Variants in KCNC4 observed in about 807,000 individuals in gnomAD.
KCNC4 encodes voltage-gated potassium channel KCNC4.
In KCNC4, 23 loss-of-function variants were observed where a neutral mutation model predicts 42.8. The ratio of observed to expected loss-of-function variants is 0.54; its 90% CI spans 0.39 to 0.76. The LOEUF (loss-of-function observed/expected upper bound fraction) is 0.76, where lower values mean the gene tolerates loss of function less well. KCNC4 is among the 30% of genes least tolerant of loss of function. The pLI is 0.00. For synonymous variants in KCNC4, 422 were observed against 393.5 expected, an observed-to-expected ratio of 1.07 and a Z score of -0.86; for missense variants, 751 against 898.2, an observed-to-expected ratio of 0.84 and a Z score of 2.10.
chr1:110,211,485 C>T lies in KCNC4; in HGVS notation c.-15C>T, dbSNP rs772190080. ...GGCAGCGGCCGCCCCAAGCCGGAGC[C>T]CCGCAGCGCTTCTTATGATCAGCTC... On this transcript the variant is annotated 5_prime_UTR_variant, in exon 1 of 4. Transcript: ENST00000438661. This position sits in a 1 kb window ranked among gnomAD's most constrained non-coding sequence, Gnocchi z 6.5. 2 of 1,602,230 alleles carry T rather than the reference C, an allele frequency of 1.2e-6. No individual in the cohort carries two copies. Among genetic ancestry groups the T allele is most frequent in the African/African-American group, 2.7e-5 (2 of 74,614 alleles).
Position 110,212,165 on chromosome 1 carries a change from C to T in KCNC4, c.666C>T (p.Ser222=), listed in dbSNP as rs773822034. ...CGCTCTTCGAGGATCCCTACTCCTC[C>T]CGGGCCGCTAGGGTGAGTGGCAGGA... is the stretch of plus-strand genomic sequence containing the variant. The part of the protein sequence containing the change: ...MWALFEDPYS[S]RAARVVAFAS... Residue 222 remains serine, a synonymous_variant, in exon 1 of 4, where the codon TCC becomes TCT. Coordinates refer to ENST00000438661, the MANE Select transcript of KCNC4 (RefSeq NM_001039574.3). The T allele has an allele frequency of 8.7e-5, 131 of 1,506,578 alleles. No homozygotes were observed. The highest frequency in any genetic ancestry group is 1.0e-4 in the Non-Finnish European group (117 of 1,144,144). 93.3% of individuals were successfully genotyped at this position (1,506,578 alleles called of 1,614,324 possible).
chr1:110,235,980 G>T (rs80060324), downstream of KCNC4: 1 of 152,094 alleles, frequency 6.6e-6, no homozygotes, highest in African/African-American at 2.4e-5. Flanking sequence ...GAAATGAGTC[G>T]GCGCCTGTAA....
rs556933737 is a variant in KCNC4, at chr1:110,231,741, T to G, written c.1820-1170T>G. On this transcript the variant is annotated intron_variant, in intron 3 of 3. Transcript: ENST00000438661. Reference sequence around the variant, plus strand: ...AATGGGGCTCTGAAGAACCCTGAATTCCTCTGATTTCAAGGATAGTACTCA... The same window carrying G: ...AATGGGGCTCTGAAGAACCCTGAATGCCTCTGATTTCAAGGATAGTACTCA... Among the ~76,000 whole-genome samples the G allele has an allele frequency of 2.6e-5, 4 of 152,236 alleles. No individual in the cohort carries two copies. In the South Asian group the frequency reaches 8.3e-4, roughly 32 times the overall value.
intron 1 of KCNC4, among the ~76,000 whole-genome samples, chr1:110,215,122 A>G (rs954641096): frequency 1.8e-4 from 28 of 152,270 alleles, no homozygotes; most frequent in African/African-American, 6.0e-4. Flanking sequence ...TGGTCATTTG[A>G]GTAGTGCGTT....
chr1:110,278,208 AAG>A (rs1377747030), intron 1 of KCNC4, among the ~76,000 whole-genome samples: 5 of 152,252 alleles, frequency 3.3e-5, no homozygotes, highest in Non-Finnish European at 4.4e-5. Context: ...GGAAAAAAAA[AAG>A]AGAATTCTCC....
chr1:110,215,559 G>A (rs1314470019), intron 1 of KCNC4, among the ~76,000 whole-genome samples: 1 of 152,224 alleles, frequency 6.6e-6, no homozygotes, highest in Non-Finnish European at 1.5e-5. Context: ...AAGGATTACA[G>A]TTCCTCTCCT....
At chr1:110,281,553 AAAACACACACAC>A (rs1205001289) in intron 1 of KCNC4, among the ~76,000 whole-genome samples, 1 of 117,710 alleles carries the variant, frequency 8.5e-6, no homozygotes, top group Non-Finnish European at 1.9e-5. Context: ...CACATATGTA[AAAACACACACAC>A]ACACACACAC....
In KCNC4 at chr1:110,222,970, G is replaced by C; in HGVS notation, c.685G>C (p.Ala229Pro). The change falls in exon 2 of 4, where the codon GCC becomes CCC. Residue 229 changes from alanine to proline, a missense_variant. Coordinates refer to ENST00000438661, the MANE Select transcript of KCNC4 (RefSeq NM_001039574.3). ...PYSSRAARVV[A>P]FASLFFILVS... is the part of the protein sequence containing the mutation. The stretch of plus-strand genomic sequence containing the variant: ...TCTCCTCCCCTGCCCATAGGTAGTG[G>C]CCTTTGCCTCTCTCTTCTTCATCCT... The C allele has an allele frequency of 1.2e-6, 2 of 1,612,754 alleles. No homozygotes were observed. Among genetic ancestry groups the C allele is most frequent in the Non-Finnish European group, 1.7e-6 (2 of 1,178,828 alleles).
chr1:110,233,059 C>T lies in KCNC4; in HGVS notation c.*87C>T, dbSNP rs888590787. ...TGGAACCCAGACAAGAATCTTTTCG[C>T]TGGGAAAGACTCAGATATCCTTGTT... On this transcript the variant is annotated 3_prime_UTR_variant, in exon 4 of 4. Transcript: ENST00000438661. 3 of 1,473,518 alleles carry T rather than the reference C, an allele frequency of 2.0e-6. No individual in the cohort carries two copies. In the African/African-American group the frequency reaches 4.2e-5, roughly 21 times the overall value. 91.3% of individuals were successfully genotyped at this position (1,473,518 alleles called of 1,614,324 possible). A position where few individuals can be genotyped will look rare whatever the true frequency, so the allele number is the denominator to read the frequency against.
exon 4 of KCNC4, chr1:110,243,909 C>T (rs978327566): frequency 6.6e-6 from 1 of 152,226 alleles, no homozygotes; most frequent in Non-Finnish European, 1.5e-5. Context: ...ACTCTGGAGG[C>T]AGGTCAGAAC....
At chr1:110,255,606 A>T (rs1206995123) in intron 1 of KCNC4, among the ~76,000 whole-genome samples, 1 of 152,130 alleles carries the variant, frequency 6.6e-6, no homozygotes, top group Non-Finnish European at 1.5e-5. Flanking sequence ...GCCTCCCCAT[A>T]CCAGGCAGTT....
chr1:110,222,572 A>G, intron 1 of KCNC4: 1 of 207,824 alleles, frequency 4.8e-6, no homozygotes, highest in South Asian at 1.0e-4. Context: ...TTACAAATGC[A>G]GAATCACAGG....
Position 110,210,866 on chromosome 1 carries a change from C to T in KCNC4, c.-634C>T, listed in dbSNP as rs913959318. ...TCTGCTCTGCCCCGCCTGCCTTCCT[C>T]GCCCGGCGCTGGATTTATGAATGGG... On this transcript the variant is annotated 5_prime_UTR_variant, in exon 1 of 4. Coordinates refer to ENST00000438661, the MANE Select transcript of KCNC4 (RefSeq NM_001039574.3). 6.6e-6 allele frequency among the ~76,000 whole-genome samples: 1 copy of T among 152,218 alleles called. No homozygotes were observed. Among genetic ancestry groups the T allele is most frequent in the South Asian group, 2.1e-4 (1 of 4,826 alleles).
At chr1:110,232,585 G>T in intron 3 of KCNC4, 3 of 1,436,138 alleles carry the variant, frequency 2.1e-6, no homozygotes, top group Non-Finnish European at 2.7e-6. Context: ...GGAGCTAGTG[G>T]TTACCTGAAC....
downstream of KCNC4, chr1:110,238,537 G>T (rs1369864470): frequency 6.6e-6 from 1 of 152,126 alleles, no homozygotes; most frequent in Non-Finnish European, 1.5e-5. Flanking sequence ...AACATATGTG[G>T]CATCTCTGTC....
chr1:110,280,342 A>C (rs575121053), intron 1 of KCNC4, among the ~76,000 whole-genome samples: 1 of 152,222 alleles, frequency 6.6e-6, no homozygotes, highest in Non-Finnish European at 1.5e-5. Context: ...TGGTGGCCAC[A>C]GGGTGGGAGG....
chr1:110,274,522 CAT>C (rs1288837663), intron 1 of KCNC4, among the ~76,000 whole-genome samples: 9 of 152,128 alleles, frequency 5.9e-5, no homozygotes, highest in African/African-American at 2.2e-4. Flanking sequence ...GCCTAAAATT[CAT>C]ATGAGACCTA....
At chr1:110,280,661 G>A (rs1659805525) in intron 1 of KCNC4, among the ~76,000 whole-genome samples, 1 of 152,210 alleles carries the variant, frequency 6.6e-6, no homozygotes, top group East Asian at 1.9e-4. Context: ...TTACAGGATG[G>A]CCAGGTAACT....
Position 110,223,157 on chromosome 1 carries a change from G to A in KCNC4, c.872G>A (p.Trp291Ter). The A allele has an allele frequency of 1.2e-6, 2 of 1,614,198 alleles. No individual in the cohort carries two copies. Among genetic ancestry groups the A allele is most frequent in the Non-Finnish European group, 1.7e-6 (2 of 1,180,024 alleles). Residue 291 changes from tryptophan to a stop codon, truncating the protein, a stop_gained, in exon 2 of 4, where the codon TGG (tryptophan) becomes TAG (stop). Transcript: ENST00000438661. LOFTEE classifies it high-confidence loss of function. The surrounding 1 kb of genome is among the most constrained non-coding windows in gnomAD (Gnocchi z 7.5). ...LTYIEGVCVL[W>*]FTLEFLVRIV... is the part of the protein sequence containing the mutation. Reference sequence around the variant, plus strand: ...TACATCGAGGGCGTATGTGTGCTGTGGTTCACACTGGAGTTCCTGGTGCGC... The same window carrying A: ...TACATCGAGGGCGTATGTGTGCTGTAGTTCACACTGGAGTTCCTGGTGCGC...
Sources: gnomAD v4.1 joint callset for allele counts (sites outside exome capture counted in the v4.1 genomes callset) on GRCh38, gnomAD v4.1.1 for gene constraint, Gnocchi (gnomAD v3.1) non-coding constraint, MANE v1.5 for transcripts, NCBI Gene and HGNC (gene_info 2026-07-23, HGNC 2026-07-21) for gene names.